NFIB: variants seen among roughly 807,000 people sequenced by gnomAD.
NFIB encodes nuclear factor I B, also known as nuclear factor 1 B-type.
Under a neutral mutation model 61.5 loss-of-function variants are expected in NFIB, and 11 were observed. The ratio of observed to expected loss-of-function variants is 0.18; its 90% CI spans 0.11 to 0.30. The LOEUF (loss-of-function observed/expected upper bound fraction) is 0.30. Among genes scored for constraint, NFIB ranks in the 10% least tolerant of loss-of-function variants. The probability of loss-of-function intolerance (pLI) is 1.00; values close to 1 mark genes in which losing one functional copy is unlikely to be tolerated. For missense variants in NFIB, 471 were observed against 608.9 expected (o/e 0.77, Z 2.38); for synonymous variants, 260 against 216.5 (o/e 1.20, Z -1.76).
In NFIB at chr9:14,216,520, C is replaced by G. The variant is rs988922570; in HGVS notation, c.563-36740G>C. Among the ~76,000 whole-genome samples the G allele has an allele frequency of 4.7e-4, 18 of 38,450 alleles. 1 individual carries two copies. The highest frequency in any genetic ancestry group is 3.8e-3 in the South Asian group (4 of 1,062). The allele number at this position is 38,450 out of a possible 152,430, so 25.2% of individuals were successfully genotyped here. A position where few individuals can be genotyped will look rare whatever the true frequency, so the allele number is the denominator to read the frequency against. ...TCTCTCTCTCTCTCTCTCTCTCTCTCTCTCTCTCTCTCTCTCTCTCTCCCT... is the reference window on the plus strand; with the variant it reads ...TCTCTCTCTCTCTCTCTCTCTCTCTGTCTCTCTCTCTCTCTCTCTCTCCCT... On this transcript the variant is annotated intron_variant, in intron 2 of 10. Coordinates refer to ENST00000380953, the MANE Select transcript of NFIB (RefSeq NM_001190737.2).
At chr9:14,292,742 G>T (rs1027480674) in intron 2 of NFIB, among the ~76,000 whole-genome samples, 10 of 152,090 alleles carry the variant, frequency 6.6e-5, no homozygotes, top group Non-Finnish European at 1.3e-4. Context: ...CTCTACATCA[G>T]TAAACAAAGG....
chr9:14,348,065 G>A (rs2061055228), intron 1 of NFIB, among the ~76,000 whole-genome samples: 2 of 152,178 alleles, frequency 1.3e-5, no homozygotes, highest in Admixed American at 1.3e-4. Context: ...TTTATGCTGG[G>A]GGCGGAACGA....
intron 2 of NFIB, among the ~76,000 whole-genome samples, chr9:14,245,163 A>G (rs1276424177): frequency 6.6e-6 from 1 of 152,204 alleles, no homozygotes. Flanking sequence ...AGAAGAAAAA[A>G]ACTGAACAAC....
chr9:14,507,091 T>G, the NFIB span, among the ~76,000 whole-genome samples: 1 of 152,326 alleles, frequency 6.6e-6, no homozygotes, highest in East Asian at 1.9e-4. Context: ...TTTAGAGCAA[T>G]GCACAGTAGC....
intron 3 of NFIB, among the ~76,000 whole-genome samples, chr9:14,177,160 C>T (rs1265599139): frequency 6.6e-6 from 1 of 152,114 alleles, no homozygotes; most frequent in Non-Finnish European, 1.5e-5. Flanking sequence ...ATACATGGAT[C>T]GTGCCTTCTC....
chr9:14,356,681 G>T (rs779409848), intron 1 of NFIB, among the ~76,000 whole-genome samples: 2 of 152,180 alleles, frequency 1.3e-5, no homozygotes, highest in Non-Finnish European at 2.9e-5. Flanking sequence ...GTCCTCAGCT[G>T]GGGTGAGTTA....
At chr9:14,395,632 C>A (rs2061675500) in intron 1 of NFIB, among the ~76,000 whole-genome samples, 2 of 151,342 alleles carry the variant, frequency 1.3e-5, no homozygotes, top group South Asian at 4.2e-4. Flanking sequence ...ACAGTTCATT[C>A]ATTCTCCAAC....
intron 2 of NFIB, among the ~76,000 whole-genome samples, chr9:14,227,522 A>G (rs879482288): frequency 3.4e-4 from 52 of 152,220 alleles, no homozygotes; most frequent in Admixed American, 1.0e-3. Flanking sequence ...CCTACTTTGG[A>G]TTTTCATGAA....
chr9:14,344,572 C>T (rs569248276), intron 1 of NFIB, among the ~76,000 whole-genome samples: 96 of 152,198 alleles, frequency 6.3e-4, no homozygotes, highest in Admixed American at 3.9e-4. Flanking sequence ...CCAGTATTAT[C>T]GATTTCTCAG....
At chr9:14,266,775 A>G (rs1034373403) in intron 2 of NFIB, among the ~76,000 whole-genome samples, 11 of 151,700 alleles carry the variant, frequency 7.3e-5, no homozygotes, top group Non-Finnish European at 1.5e-4. Flanking sequence ...TTTTTCCTCA[A>G]TATCTCCAGA....
At chr9:14,453,653 T>C in the NFIB span, among the ~76,000 whole-genome samples, 2 of 152,216 alleles carry the variant, frequency 1.3e-5, no homozygotes, top group African/African-American at 2.4e-5. Context: ...TATTGTCTTA[T>C]GAAAGTAGAA....
chr9:14,388,961 G>GT (rs1339751601), intron 1 of NFIB, among the ~76,000 whole-genome samples: 2 of 152,168 alleles, frequency 1.3e-5, no homozygotes, highest in Non-Finnish European at 2.9e-5. Context: ...TGCTGGGGCT[G>GT]TATCAGAGAC....
In NFIB at chr9:14,150,335, C is replaced by T; in HGVS notation, c.686-70G>A. On this transcript the variant is annotated intron_variant, in intron 4 of 10. Coordinates refer to ENST00000380953, the MANE Select transcript of NFIB (RefSeq NM_001190737.2). ...CTGACCTCTATTCAAATGTAATAAT[C>T]GAGAATCTTTCATGCCTCTGGTCAA... is the stretch of plus-strand genomic sequence containing the variant. 3 of 1,601,162 alleles carry T rather than the reference C, an allele frequency of 1.9e-6. No homozygotes were observed. In the Admixed American group the frequency reaches 5.1e-5, roughly 27 times the overall value.
At chr9:14,375,960 C>A (rs1297620872) in intron 1 of NFIB, among the ~76,000 whole-genome samples, 5 of 152,194 alleles carry the variant, frequency 3.3e-5, no homozygotes, top group Non-Finnish European at 7.3e-5. Context: ...GCTTGAGAAC[C>A]CAGTCTGCTG....
intron 1 of NFIB, among the ~76,000 whole-genome samples, chr9:14,323,032 G>C (rs568656941): frequency 4.6e-5 from 7 of 152,230 alleles, no homozygotes; most frequent in Non-Finnish European, 1.0e-4. Context: ...AGGAATTGCT[G>C]TTACTTCCTC....
chr9:14,336,772 C>CT (rs879298677), intron 1 of NFIB, among the ~76,000 whole-genome samples: 7 of 151,732 alleles, frequency 4.6e-5, no homozygotes, highest in South Asian at 2.1e-4. Flanking sequence ...TTATTTTGTG[C>CT]TTTTTTCCCT....
intron 2 of NFIB, among the ~76,000 whole-genome samples, chr9:14,221,660 A>T (rs2051691988): frequency 1.3e-5 from 2 of 152,144 alleles, no homozygotes; most frequent in African/African-American, 4.8e-5. Context: ...TCCATAACTT[A>T]TTTTAACAGC....
At chr9:14,277,107 T>G (rs1002219209) in intron 2 of NFIB, among the ~76,000 whole-genome samples, 1 of 152,212 alleles carries the variant, frequency 6.6e-6, no homozygotes. Context: ...TTACATGTTG[T>G]ATTTTGAGGA....
chr9:14,424,340 A>AAAAG, the NFIB span, among the ~76,000 whole-genome samples: 20 of 152,236 alleles, frequency 1.3e-4, no homozygotes, highest in African/African-American at 4.8e-4. Flanking sequence ...TTTCTAGGAG[A>AAAAG]TGTGAAAAAA....
Sources: allele counts gnomAD v4.1 joint callset (sites outside exome capture counted in the v4.1 genomes callset), GRCh38; gene constraint gnomAD v4.1.1; transcripts MANE v1.5; gene names NCBI Gene and HGNC (gene_info 2026-07-23, HGNC 2026-07-21).